The following NELL1 variants were observed in gnomAD, a reference collection of about 807,000 sequenced individuals.
NELL1 encodes neural EGFL like 1.
A neutral mutation model predicts 107.4 loss-of-function variants in NELL1; 76 were observed. The ratio of observed to expected loss-of-function variants is 0.71; its 90% CI spans 0.59 to 0.86. NELL1 has a LOEUF of 0.86. NELL1 is among the 40% of genes least tolerant of loss of function. The probability of loss-of-function intolerance (pLI) is 0.00; values close to 1 mark genes in which losing one functional copy is unlikely to be tolerated. For synonymous variants in NELL1, 353 were observed against 341.2 expected (o/e 1.03, Z -0.38); for missense variants, 1,024 against 1,005.5 (o/e 1.02, Z -0.25).
chr11:21,337,827 T>TCTTGCTTGCTTGCTTG (rs1555006196), intron 14 of NELL1, among the ~76,000 whole-genome samples: 22 of 105,506 alleles, frequency 2.1e-4, no homozygotes, highest in African/African-American at 7.7e-4. Context: ...CTTCTTTCTT[T>TCTTGCTTGCTTGCTTG]CTTTCTTTCT....
Position 20,678,033 on chromosome 11 carries a change from A to G in NELL1, c.157A>G (p.Asn53Asp). ...LGVAQVSGMH[N>D]ASKAFLFQDI... is the part of the protein sequence containing the mutation. ...AGTTGCTCAGGTGTCTGGAATGCAC[A>G]ATGCCAGCAAAGCATTTTTATTTCA... The change falls in exon 2 of 20, where the codon AAT (asparagine) becomes GAT (aspartate). Residue 53 changes from asparagine (N) to aspartate (D), a missense_variant. Coordinates refer to ENST00000357134, the MANE Select transcript of NELL1 (RefSeq NM_006157.5). 1 of 1,614,106 alleles carries G rather than the reference A, an allele frequency of 6.2e-7. No homozygotes were observed. Among genetic ancestry groups the G allele is most frequent in the Non-Finnish European group, 8.5e-7 (1 of 1,179,992 alleles).
At chr11:21,429,706 C>T (rs916270350) in intron 15 of NELL1, among the ~76,000 whole-genome samples, 1 of 152,152 alleles carries the variant, frequency 6.6e-6, no homozygotes, top group African/African-American at 2.4e-5. Flanking sequence ...GGATTGATGA[C>T]AAAGCCTTTA....
intron 3 of NELL1, among the ~76,000 whole-genome samples, chr11:20,839,672 T>C (rs1848588597): frequency 6.6e-6 from 1 of 152,236 alleles, no homozygotes; most frequent in Non-Finnish European, 1.5e-5. Context: ...AGGGAAATGC[T>C]GTGTCCTGCC....
intron 15 of NELL1, among the ~76,000 whole-genome samples, chr11:21,455,479 A>C (rs1025002102): frequency 6.6e-6 from 1 of 151,608 alleles, no homozygotes; most frequent in East Asian, 1.9e-4. Context: ...CTACAGGTGC[A>C]TGTCACCACA....
chr11:21,247,947 A>G (rs1858536480), intron 14 of NELL1, among the ~76,000 whole-genome samples: 1 of 152,204 alleles, frequency 6.6e-6, no homozygotes. Context: ...GCAATCCATC[A>G]TATGGACGGT....
intron 12 of NELL1, among the ~76,000 whole-genome samples, chr11:21,089,237 C>T (rs961572154): frequency 6.6e-6 from 1 of 152,122 alleles, no homozygotes; most frequent in Non-Finnish European, 1.5e-5. Context: ...CATGTAGTAG[C>T]CAAGTGGAAA....
At chr11:21,231,626 A>G (rs1385460952) in intron 14 of NELL1, among the ~76,000 whole-genome samples, 4 of 152,132 alleles carry the variant, frequency 2.6e-5, no homozygotes, top group African/African-American at 9.7e-5. Context: ...GCCCTTGTCC[A>G]GTGAGTTTGT....
At chr11:21,184,060 C>T (rs950304911) in intron 13 of NELL1, among the ~76,000 whole-genome samples, 3 of 151,706 alleles carry the variant, frequency 2.0e-5, no homozygotes, top group Admixed American at 1.3e-4. Flanking sequence ...ATTCCTAAAC[C>T]AGGAACGTGT....
In NELL1 at chr11:20,962,684, A is replaced by G. The variant is rs147780803; in HGVS notation, c.1300+2124A>G. On this transcript the variant is annotated intron_variant, in intron 12 of 19. Coordinates refer to ENST00000357134, the MANE Select transcript of NELL1 (RefSeq NM_006157.5). ...ATCTTTCTCTATGAGGCCTTATTTT[A>G]TAATGCTGAGTGGATTTTAGGTCTG... Among the ~76,000 whole-genome samples, 419 of 152,338 alleles carry G rather than the reference A, an allele frequency of 2.8e-3. 2 individuals carry two copies. Among genetic ancestry groups the G allele is most frequent in the African/African-American group, 9.5e-3 (397 of 41,584 alleles).
chr11:20,813,006 CAAAAAAAAAAAAAAAAAAAAAAAAAAA>C (rs869187456), intron 3 of NELL1, among the ~76,000 whole-genome samples: 3 of 61,238 alleles, frequency 4.9e-5, no homozygotes, highest in African/African-American at 2.1e-4. Context: ...GACTCCGTCT[CAAAAAAAAAAAAAAAAAAAAAAAAAAA>C]AAAAAAAAAA....
Position 21,143,482 on chromosome 11 carries a change from G to A in NELL1, c.1426+29768G>A, listed in dbSNP as rs868062895. On this transcript the variant is annotated intron_variant, in intron 13 of 19. Transcript: ENST00000357134. ...CATTATATGGGGTGAAATAGCTAGC[G>A]AAAAGTCCTTGGTGGAGTAGCCAAA... Among the ~76,000 whole-genome samples the A allele has an allele frequency of 8.5e-5, 13 of 152,064 alleles. No homozygotes were observed. In the South Asian group the frequency reaches 1.3e-3, roughly 15 times the overall value.
intron 13 of NELL1, among the ~76,000 whole-genome samples, chr11:21,203,890 A>G (rs1356223448): frequency 6.6e-6 from 1 of 152,088 alleles, no homozygotes; most frequent in Non-Finnish European, 1.5e-5. Flanking sequence ...GCTGGAGATG[A>G]TCTTCTGGGT....
In NELL1 at chr11:20,810,069, G is replaced by C. The variant is rs1350178293; in HGVS notation, c.335+26239G>C. Among the ~76,000 whole-genome samples the C allele has an allele frequency of 2.7e-5, 4 of 150,712 alleles. No individual in the cohort carries two copies. In the East Asian group the frequency reaches 7.8e-4, roughly 29 times the overall value. On this transcript the variant is annotated intron_variant, in intron 3 of 19. Transcript: ENST00000357134. ...AGAGTATCCATTGTATCTCATTGTA[G>C]TTTTAATTTGTATTTCCCTGATGAT...
chr11:21,033,726 G>A (rs1199250205), intron 12 of NELL1, among the ~76,000 whole-genome samples: 7 of 151,998 alleles, frequency 4.6e-5, no homozygotes, highest in African/African-American at 1.4e-4. Flanking sequence ...CTTTAATATA[G>A]AACAATTTAT....
chr11:20,784,944 A>G (rs377327806), intron 3 of NELL1, among the ~76,000 whole-genome samples: 20 of 152,246 alleles, frequency 1.3e-4, no homozygotes, highest in African/African-American at 4.8e-4. Context: ...TGAAGTATGG[A>G]GCTAATTTCA....
intron 5 of NELL1, among the ~76,000 whole-genome samples, chr11:20,899,924 T>C (rs865821238): frequency 6.6e-6 from 1 of 152,196 alleles, no homozygotes; most frequent in Middle Eastern, 3.2e-3. Context: ...CTTAGCTTCA[T>C]TAAAGTGATG....
At chr11:21,481,795 T>A (rs72955274) in intron 15 of NELL1, among the ~76,000 whole-genome samples, 5,023 of 152,262 alleles carry the variant, frequency 0.033, 111 homozygotes, top group Non-Finnish European at 0.049. Flanking sequence ...TCCCATTGAA[T>A]GTGTGACAAG....
intron 15 of NELL1, among the ~76,000 whole-genome samples, chr11:21,407,519 C>T (rs1035107352): frequency 2.0e-5 from 3 of 151,970 alleles, no homozygotes; most frequent in Non-Finnish European, 2.9e-5. Flanking sequence ...TGCCTGTAAA[C>T]ACAACTCCTT....
chr11:21,066,104 A>C (rs531952054), intron 12 of NELL1, among the ~76,000 whole-genome samples: 1 of 152,272 alleles, frequency 6.6e-6, no homozygotes, highest in African/African-American at 2.4e-5. Flanking sequence ...TTTGCTTTGG[A>C]GTCCTTGCTA....
Sources: gnomAD v4.1 joint callset for allele counts (sites outside exome capture counted in the v4.1 genomes callset) on GRCh38, gnomAD v4.1.1 for gene constraint, MANE v1.5 for transcripts, NCBI Gene and HGNC (gene_info 2026-07-23, HGNC 2026-07-21) for gene names.